Variants in BTBD7 observed in about 807,000 individuals in gnomAD.
BTBD7 encodes the protein BTB/POZ domain-containing protein 7.
Under a neutral mutation model 99.9 loss-of-function variants are expected in BTBD7, and 38 were observed. The observed-to-expected ratio is 0.38, with a 90% CI of 0.29 to 0.50. The LOEUF (loss-of-function observed/expected upper bound fraction) is 0.50. BTBD7 is among the 20% of genes least tolerant of loss of function. The pLI, the probability that BTBD7 is intolerant of heterozygous loss-of-function variation, is 0.93. For synonymous variants in BTBD7, 520 were observed against 511.4 expected, an observed-to-expected ratio of 1.02 and a Z score of -0.23; for missense variants, 1,170 against 1,394.6, an observed-to-expected ratio of 0.84 and a Z score of 2.57.
Position 93,332,845 on chromosome 14 carries a change from G to A in BTBD7, c.-132C>T. On this transcript the variant is annotated 5_prime_UTR_variant, in exon 1 of 11. Transcript: ENST00000334746. ...CCCGGAGGCTCCTCCCGCCGCTGCT[G>A]CTGCCGCTGGGACCGCTGCCGTCGC... 1.4e-6 allele frequency: 2 copies of A among 1,478,456 alleles called. No homozygotes were observed. The highest frequency in any genetic ancestry group is 1.8e-6 in the Non-Finnish European group (2 of 1,120,934). The allele number at this position is 1,478,456 out of a possible 1,614,324, so 91.6% of individuals were successfully genotyped here.
rs199790926 is a variant in BTBD7 at position 93,278,484 on chromosome 14, C to CA, written c.1163-14492dup. Among the ~76,000 whole-genome samples, 321 of 152,284 alleles carry CA rather than the reference C, an allele frequency of 2.1e-3. 5 individuals carry two copies. The East Asian group carries it at 0.023, about 11-fold the overall frequency. On this transcript the variant is annotated intron_variant, in intron 3 of 10. Transcript: ENST00000334746. The stretch of plus-strand genomic sequence containing the variant: ...GTTACATATGATCATGTGCTCCCTT[C>CA]AAAACAGTGCACCTCACAGATGATT...
chr14:93,300,184 C>T (rs949554456), intron 1 of BTBD7, among the ~76,000 whole-genome samples: 1 of 151,552 alleles, frequency 6.6e-6, no homozygotes, highest in Non-Finnish European at 1.5e-5. Flanking sequence ...AAACAGAGTT[C>T]CAAAAATTTA....
intron 3 of BTBD7, among the ~76,000 whole-genome samples, chr14:93,292,135 C>T (rs1214204010): frequency 2.6e-5 from 4 of 152,096 alleles, no homozygotes; most frequent in South Asian, 2.1e-4. Context: ...TGCAGTGAGC[C>T]GAAATTGCGC....
At chr14:93,297,628 A>G (rs963953374) in intron 1 of BTBD7, among the ~76,000 whole-genome samples, 19 of 152,164 alleles carry the variant, frequency 1.2e-4, no homozygotes, top group African/African-American at 4.3e-4. Flanking sequence ...AAACTTAAAA[A>G]CCAGTTAAGT....
At position 93,238,443 on chromosome 14, in the gene BTBD7, A is replaced by C. The variant is rs553445455; in HGVS notation, c.*3830T>G. 1 of 152,754 alleles carries C rather than the reference A, an allele frequency of 6.5e-6. No homozygotes were observed. Among genetic ancestry groups the C allele is most frequent in the East Asian group, 1.9e-4 (1 of 5,180 alleles). 9.5% of individuals were successfully genotyped at this position (152,754 alleles called of 1,614,324 possible). On this transcript the variant is annotated 3_prime_UTR_variant, in exon 11 of 11. Coordinates refer to ENST00000334746, the MANE Select transcript of BTBD7 (RefSeq NM_001002860.4). ...ATTATCTGTAATGAGGTTTGAAAGT[A>C]AATCACTTAGTAGACAAAGTAAACC...
chr14:93,290,248 C>T (rs1441095132), intron 3 of BTBD7, among the ~76,000 whole-genome samples: 4 of 151,496 alleles, frequency 2.6e-5, no homozygotes, highest in Admixed American at 2.6e-4. Context: ...AGTCTCACTC[C>T]GTCGCCCAGG....
Position 93,293,990 on chromosome 14 carries a change from A to G in BTBD7, c.1030T>C (p.Cys344Arg). ...CTGAGACTCCCCACAGAGGGGCTACAGTGCAAAACAGAGAGGTCCACCACG... is the reference window on the plus strand; with the variant it reads ...CTGAGACTCCCCACAGAGGGGCTACGGTGCAAAACAGAGAGGTCCACCACG... ...TDVVDLSVLH[C>R]SPSVGSLSEV... The change falls in exon 3 of 11, where the codon TGT becomes CGT. Residue 344 changes from cysteine to arginine, a missense_variant. Cys to Arg is a radical substitution (Grantham distance 180, BLOSUM62 -3). Around this residue, in one of 4 missense-constraint regions of BTBD7, gnomAD observed 359 missense variants for 497.9 expected, o/e 0.72. Transcript: ENST00000334746. 3.7e-6 allele frequency: 6 copies of G among 1,613,886 alleles called. No homozygotes were observed. The highest frequency in any genetic ancestry group is 5.1e-6 in the Non-Finnish European group (6 of 1,179,878).
At chr14:93,277,312 T>TG (rs1222915047) in intron 3 of BTBD7, among the ~76,000 whole-genome samples, 1 of 152,150 alleles carries the variant, frequency 6.6e-6, no homozygotes, top group East Asian at 1.9e-4. Context: ...CATTTAAGCA[T>TG]GGGGGGTAAT....
Position 93,248,608 on chromosome 14 carries a change from T to C in BTBD7, c.1989A>G (p.Glu663=). The C allele has an allele frequency of 6.2e-7, 1 of 1,613,712 alleles. No homozygotes were observed. The highest frequency in any genetic ancestry group is 8.5e-7 in the Non-Finnish European group (1 of 1,179,960). Residue 663 remains glutamate, a synonymous_variant, in exon 9 of 11, where the codon GAA becomes GAG. Coordinates refer to ENST00000334746, the MANE Select transcript of BTBD7 (RefSeq NM_001002860.4). ...IMKDMVRRLQ[E]LRHTEQVQRA... ...TCTGCACCTGCTCCGTGTGCCGCAG[T>C]TCCTGCAGTCGTCTGACCATGTCTT...
chr14:93,279,200 CAGTTT>C (rs1341944773), intron 3 of BTBD7, among the ~76,000 whole-genome samples: 1 of 152,122 alleles, frequency 6.6e-6, no homozygotes, highest in Non-Finnish European at 1.5e-5. Context: ...CCAATTGTCT[CAGTTT>C]AGTATACTGA....
chr14:93,277,797 G>A (rs1479862588), intron 3 of BTBD7, among the ~76,000 whole-genome samples: 2 of 152,164 alleles, frequency 1.3e-5, no homozygotes, highest in Non-Finnish European at 2.9e-5. Flanking sequence ...GATGTGCAAG[G>A]GGGAAGGGAG....
At chr14:93,265,078 G>A (rs1021704522) in intron 3 of BTBD7, among the ~76,000 whole-genome samples, 5 of 152,160 alleles carry the variant, frequency 3.3e-5, no homozygotes, top group Admixed American at 2.6e-4. Flanking sequence ...TCCAGCCTGG[G>A]CGACAAAGCA....
At chr14:93,251,410 A>G in intron 8 of BTBD7, 53 bp downstream of exon 8, 1 of 1,492,742 alleles carries the variant, frequency 6.7e-7, no homozygotes, top group Non-Finnish European at 9.0e-7. Context: ...CAGCAATTTC[A>G]AAAAAACAAT....
rs762347380 is a variant in BTBD7, at chr14:93,242,668, G to GT, written c.3003dup (p.Gln1002ThrfsTer5). ...GGATATTCTCTCCTAGCTTCTTCCT[G>GT]TTTTTTAGGAGACGTCTGACCAGGT... On this transcript the variant is annotated frameshift_variant, in exon 11 of 11. Coordinates refer to ENST00000334746, the MANE Select transcript of BTBD7 (RefSeq NM_001002860.4). LOFTEE classifies it high-confidence loss of function. 1.9e-6 allele frequency: 3 copies of GT among 1,614,044 alleles called. No individual in the cohort carries two copies. Among genetic ancestry groups the GT allele is most frequent in the African/African-American group, 2.7e-5 (2 of 74,918 alleles).
In BTBD7 at chr14:93,276,205, C is replaced by T. The variant is rs760257007; in HGVS notation, c.1163-12212G>A. The stretch of plus-strand genomic sequence containing the variant: ...CAGCACTCCAGCCTGGGCAACAGAG[C>T]GAGACCTTGTCTCAAAAAGTCTTAC... On this transcript the variant is annotated intron_variant, in intron 3 of 10. Transcript: ENST00000334746. Among the ~76,000 whole-genome samples the T allele has an allele frequency of 1.0e-3, 155 of 152,168 alleles. 1 individual carries two copies. The highest frequency in any genetic ancestry group is 1.2e-3 in the Non-Finnish European group (85 of 68,028).
rs149057717 is a variant in BTBD7, at chr14:93,315,205, G to C, written c.-107+17615C>G. ...TTGTAATCTCCAAATTAGAGTATGT[G>C]GGTAAATATTCTTCTATTAAGGAGG... On this transcript the variant is annotated intron_variant, in intron 1 of 10. Coordinates refer to ENST00000334746, the MANE Select transcript of BTBD7 (RefSeq NM_001002860.4). 3.5e-3 allele frequency among the ~76,000 whole-genome samples: 533 copies of C among 152,178 alleles called. 12 individuals carry two copies. The South Asian group carries it at 0.052, about 15-fold the overall frequency.
intron 1 of BTBD7, among the ~76,000 whole-genome samples, chr14:93,299,414 T>G (rs1228770225): frequency 6.6e-6 from 1 of 152,198 alleles, no homozygotes; most frequent in Non-Finnish European, 1.5e-5. Context: ...CAGGCAAGCC[T>G]GGTCTCTTTT....
At chr14:93,306,493 TAAAG>T (rs1374814806) in intron 1 of BTBD7, among the ~76,000 whole-genome samples, 4 of 147,378 alleles carry the variant, frequency 2.7e-5, no homozygotes, top group South Asian at 2.2e-4. Context: ...AAACAGAACA[TAAAG>T]AAGTCTAAAA....
At chr14:93,290,760 A>AG (rs2052842998) in intron 3 of BTBD7, among the ~76,000 whole-genome samples, 5 of 151,734 alleles carry the variant, frequency 3.3e-5, no homozygotes, top group African/African-American at 1.2e-4. Flanking sequence ...GTGCGATCTC[A>AG]GCTCACTGCA....
Sources: allele counts gnomAD v4.1 joint callset (sites outside exome capture counted in the v4.1 genomes callset), GRCh38; gene constraint gnomAD v4.1.1; regional missense constraint gnomAD v4.1.1; transcripts MANE v1.5; gene names NCBI Gene and HGNC (gene_info 2026-07-23, HGNC 2026-07-21).